ATP8B1: variants seen among roughly 807,000 people sequenced by gnomAD.
ATP8B1 encodes ATPase phospholipid transporting 8B1, also known as phospholipid-transporting ATPase IC.
ATP8B1 carries 80 observed loss-of-function variants against 149.9 expected under a neutral mutation model. The observed-to-expected ratio is 0.53, with a 90% CI of 0.45 to 0.64. ATP8B1 has a LOEUF of 0.64. Ranked by LOEUF, ATP8B1 falls within the 30% of genes least tolerant of loss-of-function variation. ATP8B1 has a pLI of 0.00. For missense variants in ATP8B1, 1,247 were observed against 1,552.6 expected, an observed-to-expected ratio of 0.80 and a Z score of 3.31; for synonymous variants, 536 against 562.8, an observed-to-expected ratio of 0.95 and a Z score of 0.67.
chr18:57,782,803 C>CTTTTTTTTTTT lies in ATP8B1; in HGVS notation c.-26+20184_-26+20194dup, dbSNP rs79009229. On this transcript the variant is annotated intron_variant, in intron 1 of 27. Transcript: ENST00000648908. ...GGCTCAGATTAATTCTAGTTTGTCT[C>CTTTTTTTTTTT]TTTTTTTTTTTTTTTTTTTTTTTTT... Among the ~76,000 whole-genome samples, 389 of 91,118 alleles carry CTTTTTTTTTTT rather than the reference C, an allele frequency of 4.3e-3. 67 individuals are homozygous for CTTTTTTTTTTT. The highest frequency in any genetic ancestry group is 0.012 in the African/African-American group (249 of 20,486). The allele number at this position is 91,118 out of a possible 152,430, so 59.8% of individuals were successfully genotyped here.
At chr18:57,787,381 G>A (rs1422989368) in intron 1 of ATP8B1, among the ~76,000 whole-genome samples, 1 of 152,052 alleles carries the variant, frequency 6.6e-6, no homozygotes, top group African/African-American at 2.4e-5. Context: ...AGAGCACTGC[G>A]AGAGGAGCTC....
At chr18:57,679,573 TC>T (rs1210464616) in intron 15 of ATP8B1, among the ~76,000 whole-genome samples, 1 of 152,178 alleles carries the variant, frequency 6.6e-6, no homozygotes, top group Non-Finnish European at 1.5e-5. Context: ...ACCTCTCAGT[TC>T]TCATCAACCT....
In ATP8B1 at chr18:57,697,680, A is replaced by T. The variant is rs778526143; in HGVS notation, c.636T>A (p.Ile212=). The T allele has an allele frequency of 1.5e-5, 24 of 1,613,996 alleles. No homozygotes were observed. Among genetic ancestry groups the T allele is most frequent in the Non-Finnish European group, 1.9e-5 (23 of 1,180,016 alleles). Reference sequence around the variant, plus strand: ...TAGGCTCAGAGCTAGACAGCAGGAGAATGTCAGCCTGTCCAAAACAAAACA... The same window carrying T: ...TAGGCTCAGAGCTAGACAGCAGGAGTATGTCAGCCTGTCCAAAACAAAACA... ...LKKNDFVPAD[I]LLLSSSEPNS... The change falls in exon 8 of 28, where the codon ATT becomes ATA. Residue 212 remains isoleucine, a synonymous_variant. Coordinates refer to ENST00000648908, the MANE Select transcript of ATP8B1 (RefSeq NM_001374385.1).
intron 1 of ATP8B1, among the ~76,000 whole-genome samples, chr18:57,801,222 C>T (rs940277066): frequency 6.6e-6 from 1 of 152,148 alleles, no homozygotes; most frequent in African/African-American, 2.4e-5. Flanking sequence ...CTTGCTCGGC[C>T]CTTAATAACC....
At chr18:57,753,608 G>T (rs1204849738) in intron 1 of ATP8B1, among the ~76,000 whole-genome samples, 1 of 152,156 alleles carries the variant, frequency 6.6e-6, no homozygotes, top group African/African-American at 2.4e-5. Flanking sequence ...TCTTTTCATA[G>T]ACAGTTAAGA....
chr18:57,707,688 T>C (rs1444999819), intron 2 of ATP8B1, among the ~76,000 whole-genome samples: 1 of 151,676 alleles, frequency 6.6e-6, no homozygotes, highest in East Asian at 2.0e-4. Flanking sequence ...TTTGTATTTT[T>C]AGTAGAGACG....
rs111956480 is a variant in ATP8B1, at chr18:57,794,118, AT to A, written c.-26+8879del. 5.8e-4 allele frequency among the ~76,000 whole-genome samples: 89 copies of A among 152,210 alleles called. 1 individual carries two copies. Among genetic ancestry groups the A allele is most frequent in the African/African-American group, 2.1e-3 (86 of 41,534 alleles). ...TGGGTGGACACGTAGGGATAGTAGT[AT>A]TTTTGGTTGGCTTCAAGCTTTGATG... is the stretch of plus-strand genomic sequence containing the variant. On this transcript the variant is annotated intron_variant, in intron 1 of 27. Transcript: ENST00000648908.
At chr18:57,737,933 A>T (rs955765190) in intron 1 of ATP8B1, 4 of 152,308 alleles carry the variant, frequency 2.6e-5, no homozygotes, top group African/African-American at 9.7e-5. Flanking sequence ...AGGAGCAGGG[A>T]GCTCTCCGCT....
intron 22 of ATP8B1, among the ~76,000 whole-genome samples, chr18:57,658,073 G>T (rs1366647344): frequency 6.6e-6 from 1 of 150,850 alleles, no homozygotes. Context: ...TTGAGATGGA[G>T]TCTTTTTCTG....
intron 1 of ATP8B1, among the ~76,000 whole-genome samples, chr18:57,749,411 A>T (rs1320846524): frequency 6.6e-6 from 1 of 152,216 alleles, no homozygotes; most frequent in Non-Finnish European, 1.5e-5. Context: ...TGCATCTCCT[A>T]TAAAGAGAAA....
chr18:57,717,382 A>T, intron 2 of ATP8B1, among the ~76,000 whole-genome samples: 1 of 151,356 alleles, frequency 6.6e-6, no homozygotes, highest in African/African-American at 2.4e-5. Context: ...CATTGCTACT[A>T]AAAAAATACA....
chr18:57,785,297 A>C (rs1419901713), intron 1 of ATP8B1, among the ~76,000 whole-genome samples: 1 of 152,234 alleles, frequency 6.6e-6, no homozygotes, highest in Non-Finnish European at 1.5e-5. Context: ...CATAGCTCAG[A>C]GTTATGGGAT....
At chr18:57,767,000 C>T (rs758930190) in intron 1 of ATP8B1, among the ~76,000 whole-genome samples, 1 of 152,116 alleles carries the variant, frequency 6.6e-6, no homozygotes, top group South Asian at 2.1e-4. Flanking sequence ...TAAGAACAGC[C>T]TGTTCTTGAA....
intron 2 of ATP8B1, among the ~76,000 whole-genome samples, chr18:57,717,381 T>A (rs1191436590): frequency 2.0e-5 from 3 of 150,264 alleles, no homozygotes; most frequent in African/African-American, 7.3e-5. Context: ...CCATTGCTAC[T>A]AAAAAAATAC....
Position 57,704,656 on chromosome 18 carries a change from T to C in ATP8B1, c.292A>G (p.Lys98Glu). Reference protein sequence around the residue: ...KESKYANNAIKTYKYNAFTFI... With the variant: ...KESKYANNAIETYKYNAFTFI... ...GTAAATGCGTTGTACTTGTATGTTT[T>C]AATTGCATTATTCTGTTGGAAAAAA... The change falls in exon 4 of 28, where the codon AAA becomes GAA. Residue 98 changes from lysine to glutamate, a missense_variant. This residue lies in a region of ATP8B1 where 853 missense variants were observed against 1,035.7 expected (regional missense o/e 0.82). Transcript: ENST00000648908. The C allele has an allele frequency of 1.3e-6, 2 of 1,595,858 alleles. No homozygotes were observed. The highest frequency in any genetic ancestry group is 1.7e-6 in the Non-Finnish European group (2 of 1,163,478).
Position 57,647,238 on chromosome 18 carries a change from TGA to T in ATP8B1, c.*1248_*1249del, listed in dbSNP as rs1197081676. 4.6e-5 allele frequency: 7 copies of T among 152,152 alleles called. No homozygotes were observed. Among genetic ancestry groups the T allele is most frequent in the African/African-American group, 1.7e-4 (7 of 41,436 alleles). 9.4% of individuals were successfully genotyped at this position (152,152 alleles called of 1,614,324 possible). A position where few individuals can be genotyped will look rare whatever the true frequency, so the allele number is the denominator to read the frequency against. On this transcript the variant is annotated 3_prime_UTR_variant, in exon 28 of 28. Transcript: ENST00000648908. ...ATAAATATTTATATGCTTTAAAAAA[TGA>T]GAGTAGGGAATCAAATCATTTGGTA... is the stretch of plus-strand genomic sequence containing the variant.
chr18:57,766,881 G>T (rs1369334985), intron 1 of ATP8B1, among the ~76,000 whole-genome samples: 2 of 152,182 alleles, frequency 1.3e-5, no homozygotes, highest in Non-Finnish European at 2.9e-5. Flanking sequence ...AGGTGTTGCA[G>T]AAATTGAGGT....
chr18:57,651,148 C>A (rs1909588414), intron 26 of ATP8B1, among the ~76,000 whole-genome samples: 1 of 152,114 alleles, frequency 6.6e-6, no homozygotes, highest in African/African-American at 2.4e-5. Context: ...ACTCTGTTAC[C>A]CACGTTGGAG....
chr18:57,797,284 C>T (rs1298025655), intron 1 of ATP8B1, among the ~76,000 whole-genome samples: 1 of 152,212 alleles, frequency 6.6e-6, no homozygotes, highest in Non-Finnish European at 1.5e-5. Flanking sequence ...ACAAAAGCCA[C>T]TCAGCAACAA....
Sources: allele counts gnomAD v4.1 joint callset (sites outside exome capture counted in the v4.1 genomes callset), GRCh38; gene constraint gnomAD v4.1.1; regional missense constraint gnomAD v4.1.1; transcripts MANE v1.5; gene names NCBI Gene and HGNC (gene_info 2026-07-23, HGNC 2026-07-21).